PIP5K1A: variants seen among roughly 807,000 people sequenced by gnomAD.
PIP5K1A encodes phosphatidylinositol 4-phosphate 5-kinase type-1 alpha.
Under a neutral mutation model 72.9 loss-of-function variants are expected in PIP5K1A, and 46 were observed. That is an observed-to-expected ratio of 0.63 (90% CI 0.50 to 0.81). PIP5K1A has a LOEUF of 0.81. PIP5K1A is among the 30% of genes least tolerant of loss of function. The pLI is 0.00. For missense variants in PIP5K1A, 458 were observed against 706.1 expected (o/e 0.65, Z 3.98); for synonymous variants, 228 against 255.1 (o/e 0.89, Z 1.01).
intron 8 of PIP5K1A, among the ~76,000 whole-genome samples, chr1:151,235,433 C>T (rs1463867067): frequency 6.6e-6 from 1 of 152,240 alleles, no homozygotes; most frequent in East Asian, 1.9e-4. Context: ...ACACTTCCCA[C>T]TGTTGCACAT....
intron 1 of PIP5K1A, among the ~76,000 whole-genome samples, chr1:151,215,266 G>A (rs1687424296): frequency 1.3e-5 from 2 of 151,662 alleles, no homozygotes; most frequent in Non-Finnish European, 2.9e-5. Context: ...TCGAGCTCTC[G>A]ACCTCAGGTG....
At chr1:151,219,355 TG>T (rs1372607002) in intron 1 of PIP5K1A, among the ~76,000 whole-genome samples, 5 of 133,764 alleles carry the variant, frequency 3.7e-5, no homozygotes, top group Non-Finnish European at 7.7e-5. Context: ...CACTCCAGCC[TG>T]GGCAACAGAG....
intron 3 of PIP5K1A, among the ~76,000 whole-genome samples, chr1:151,225,715 C>T (rs1689020734): frequency 6.6e-6 from 1 of 151,976 alleles, no homozygotes; most frequent in Admixed American, 6.6e-5. Flanking sequence ...GGTGATCCAC[C>T]CGCCTTGGCC....
upstream of PIP5K1A, among the ~76,000 whole-genome samples, chr1:151,197,251 G>C (rs1225862542): frequency 6.6e-6 from 1 of 151,846 alleles, no homozygotes; most frequent in Non-Finnish European, 1.5e-5. Context: ...AGGTCATTCT[G>C]GGGGTTACAA....
At chr1:151,241,281 C>G (rs980393320) in intron 12 of PIP5K1A, among the ~76,000 whole-genome samples, 20 of 152,128 alleles carry the variant, frequency 1.3e-4, no homozygotes, top group African/African-American at 4.8e-4. Flanking sequence ...GAGGGCAGAT[C>G]ACAAGGTCCG....
Position 151,234,165 on chromosome 1 carries a change from TCTC to T in PIP5K1A, c.640-29_640-27del, listed in dbSNP as rs376572418. 516 of 1,540,042 alleles carry T rather than the reference TCTC, an allele frequency of 3.4e-4. 2 individuals carry two copies. In the East Asian group the frequency reaches 4.5e-3, roughly 14 times the overall value. On this transcript the variant is annotated intron_variant, in intron 7 of 15. Coordinates refer to ENST00000368888, the MANE Select transcript of PIP5K1A (RefSeq NM_001135638.2). The stretch of plus-strand genomic sequence containing the variant: ...TTTCACTGAAAATCAGCTAAGTTGT[TCTC>T]CTACTTCTGTTTCCTTTTGTGTTCT...
At chr1:151,230,090 GA>G (rs752753134) in intron 4 of PIP5K1A, among the ~76,000 whole-genome samples, 7 of 146,804 alleles carry the variant, frequency 4.8e-5, no homozygotes, top group East Asian at 2.0e-4. Context: ...TCCGTCTCAA[GA>G]AAAAAAAAAC....
At chr1:151,223,987 T>C (rs1688759900) in intron 1 of PIP5K1A, 3 of 546,860 alleles carry the variant, frequency 5.5e-6, no homozygotes, top group East Asian at 3.0e-5. Flanking sequence ...GAAAAAGTTA[T>C]ATTTCCCAGA....
At chr1:151,219,878 A>G (rs587757731) in intron 1 of PIP5K1A, among the ~76,000 whole-genome samples, 60 of 113,368 alleles carry the variant, frequency 5.3e-4, no homozygotes, top group African/African-American at 2.0e-3. Flanking sequence ...TTTTGCCGAG[A>G]TGGGGTCTCC....
intron 14 of PIP5K1A, among the ~76,000 whole-genome samples, chr1:151,244,891 C>T (rs587634794): frequency 1.3e-5 from 2 of 150,758 alleles, no homozygotes; most frequent in Non-Finnish European, 2.9e-5. Flanking sequence ...ATCTTTAGAC[C>T]ACATTTTCTT....
At chr1:151,244,130 C>T (rs956689363) in intron 14 of PIP5K1A, among the ~76,000 whole-genome samples, 13 of 135,612 alleles carry the variant, frequency 9.6e-5, no homozygotes, top group South Asian at 4.5e-4. Context: ...GTCAATATAA[C>T]GAGACCCCAT....
intron 1 of PIP5K1A, among the ~76,000 whole-genome samples, chr1:151,205,916 G>A (rs1009650846): frequency 6.6e-6 from 1 of 152,128 alleles, no homozygotes; most frequent in African/African-American, 2.4e-5. Context: ...CTGATGGCCA[G>A]GTAGAGAGGG....
intron 1 of PIP5K1A, among the ~76,000 whole-genome samples, chr1:151,214,387 T>A (rs1309618057): frequency 6.6e-6 from 1 of 151,848 alleles, no homozygotes; most frequent in African/African-American, 2.4e-5. Context: ...TTTTTGTTTT[T>A]GTTTTTGTTT....
At chr1:151,247,561 G>T (rs1477902842) in intron 15 of PIP5K1A, among the ~76,000 whole-genome samples, 1 of 152,002 alleles carries the variant, frequency 6.6e-6, no homozygotes, top group Non-Finnish European at 1.5e-5. Flanking sequence ...GAGTAGTTGG[G>T]ACTACAGGCG....
At chr1:151,195,740 C>G (rs1202127227), upstream of PIP5K1A, among the ~76,000 whole-genome samples, 1 of 151,498 alleles carries the variant, frequency 6.6e-6, no homozygotes, top group African/African-American at 2.4e-5. Flanking sequence ...GAGCCAGACT[C>G]TGTCTCAAAA....
intron 1 of PIP5K1A, among the ~76,000 whole-genome samples, chr1:151,205,508 G>A (rs587629096): frequency 6.6e-6 from 1 of 151,212 alleles, no homozygotes; most frequent in Non-Finnish European, 1.5e-5. Flanking sequence ...CTTACTTGAC[G>A]TAAAGAAGGG....
chr1:151,233,120 G>A (rs1214235553), intron 7 of PIP5K1A, among the ~76,000 whole-genome samples: 1 of 135,288 alleles, frequency 7.4e-6, no homozygotes, highest in Non-Finnish European at 1.6e-5. Context: ...AAAAAAAAAT[G>A]TTGTTCAGTT....
At chr1:151,240,295 A>AAAAT (rs982142036) in intron 12 of PIP5K1A, 3 of 443,224 alleles carry the variant, frequency 6.8e-6, no homozygotes, top group Non-Finnish European at 1.2e-5. Context: ...GATTTGCAAA[A>AAAAT]AAATAAATAA....
chr1:151,236,186 T>C (rs895896482), intron 8 of PIP5K1A, among the ~76,000 whole-genome samples: 1 of 144,428 alleles, frequency 6.9e-6, no homozygotes, highest in Non-Finnish European at 1.5e-5. Context: ...AATTACATCA[T>C]GAAAGCTGTC....
Sources: allele counts gnomAD v4.1 joint callset (sites outside exome capture counted in the v4.1 genomes callset), GRCh38; gene constraint gnomAD v4.1.1; transcripts MANE v1.5; gene names NCBI Gene and HGNC (gene_info 2026-07-23, HGNC 2026-07-21).